Variants in ANK2 observed in about 807,000 individuals in gnomAD.
ANK2 encodes ankyrin-2.
Under a neutral mutation model 360.5 loss-of-function variants are expected in ANK2, and 83 were observed. The observed-to-expected ratio is 0.23, with a 90% CI of 0.19 to 0.28. The LOEUF (loss-of-function observed/expected upper bound fraction) is 0.28. ANK2 is among the 10% of genes least tolerant of loss of function. ANK2 has a pLI of 1.00. For synonymous variants in ANK2, 1,740 were observed against 1,759.5 expected (o/e 0.99, Z 0.28); for missense variants, 4,201 against 4,795.7 (o/e 0.88, Z 3.66).
chr4:113,011,554 G>A (rs145011569), intron 2 of ANK2, among the ~76,000 whole-genome samples: 99 of 152,200 alleles, frequency 6.5e-4, no homozygotes, highest in African/African-American at 2.4e-3. Context: ...GCTTGGCCTA[G>A]AGTCGTTAAT....
At chr4:113,152,940 T>C (rs892962320) in intron 1 of ANK2, among the ~76,000 whole-genome samples, 22 of 152,114 alleles carry the variant, frequency 1.4e-4, no homozygotes, top group Admixed American at 5.2e-4. Context: ...TTGACAGAAG[T>C]ATAATAATTT....
At chr4:113,009,726 T>C (rs763247965) in intron 2 of ANK2, among the ~76,000 whole-genome samples, 1 of 152,168 alleles carries the variant, frequency 6.6e-6, no homozygotes, top group African/African-American at 2.4e-5. Flanking sequence ...TTTCTCAACA[T>C]TTGACTGTAT....
intron 1 of ANK2, among the ~76,000 whole-genome samples, chr4:112,850,296 C>G (rs1223056292): frequency 7.5e-6 from 1 of 133,618 alleles, no homozygotes; most frequent in Non-Finnish European, 1.6e-5. Flanking sequence ...ATCTATCTAT[C>G]TATCTAATTT....
At chr4:113,049,608 C>G, upstream of ANK2, 2 of 1,505,976 alleles carry the variant, frequency 1.3e-6, no homozygotes, top group South Asian at 2.4e-5. Context: ...CCTCCCAGTG[C>G]GCGCCCCTTC....
chr4:113,189,685 C>T (rs1216151025), intron 2 of ANK2, among the ~76,000 whole-genome samples: 1 of 152,160 alleles, frequency 6.6e-6, no homozygotes, highest in Non-Finnish European at 1.5e-5. Flanking sequence ...TAGTTCTAGC[C>T]TCCCTTTTTG....
At chr4:113,284,731 G>C (rs996165747) in intron 18 of ANK2, among the ~76,000 whole-genome samples, 2 of 152,024 alleles carry the variant, frequency 1.3e-5, no homozygotes, top group Non-Finnish European at 2.9e-5. Context: ...TTTATCACTA[G>C]AGTAAAACTT....
intron 2 of ANK2, among the ~76,000 whole-genome samples, chr4:112,924,496 A>T (rs762629460): frequency 2.2e-4 from 34 of 152,316 alleles, no homozygotes; most frequent in Non-Finnish European, 4.6e-4. Flanking sequence ...AGCTTTTTAA[A>T]AGCTGACTTA....
chr4:112,781,471 A>G, the ANK2 span, among the ~76,000 whole-genome samples: 41 of 152,140 alleles, frequency 2.7e-4, no homozygotes, highest in Admixed American at 2.7e-3. Flanking sequence ...CGTGTTTTAT[A>G]TATTCTTTCA....
chr4:113,249,698 T>G (rs898954990), intron 9 of ANK2, 66 bp from the exon 10 acceptor site: 1 of 1,455,018 alleles, frequency 6.9e-7, no homozygotes, highest in Non-Finnish European at 9.6e-7. Flanking sequence ...TCTTTATGGT[T>G]GCAATAGATG....
chr4:113,292,525 C>A lies in ANK2; in HGVS notation c.2376+11C>A. On this transcript the variant is annotated intron_variant, in intron 21 of 45. Coordinates refer to ENST00000357077, the MANE Select transcript of ANK2 (RefSeq NM_001148.6). ...AACGCCACCACTGCGGTAAGGCAGACGCCACTGCCCCTCACCACGCTTTCT... is the reference window on the plus strand; with the variant it reads ...AACGCCACCACTGCGGTAAGGCAGAAGCCACTGCCCCTCACCACGCTTTCT... The A allele has an allele frequency of 6.3e-7, 1 of 1,593,300 alleles. No individual in the cohort carries two copies.
At chr4:112,968,031 T>C (rs1414935825) in intron 2 of ANK2, among the ~76,000 whole-genome samples, 1 of 152,198 alleles carries the variant, frequency 6.6e-6, no homozygotes, top group Admixed American at 6.5e-5. Flanking sequence ...TTTATGTTTT[T>C]TCCCCCAACC....
At chr4:113,206,451 T>C (rs2098949710) in intron 4 of ANK2, among the ~76,000 whole-genome samples, 3 of 152,214 alleles carry the variant, frequency 2.0e-5, no homozygotes, top group South Asian at 4.1e-4. Flanking sequence ...TAGTATCCCA[T>C]GGTGTATCTT....
chr4:112,944,610 T>C (rs1411344962), intron 2 of ANK2, among the ~76,000 whole-genome samples: 1 of 152,146 alleles, frequency 6.6e-6, no homozygotes, highest in Non-Finnish European at 1.5e-5. Flanking sequence ...GACCTCTAAA[T>C]GGGTGGATAT....
intron 26 of ANK2, among the ~76,000 whole-genome samples, chr4:113,318,872 A>G (rs769947286): frequency 5.9e-5 from 9 of 152,206 alleles, no homozygotes; most frequent in Non-Finnish European, 1.2e-4. Context: ...TGCGTCAAAC[A>G]GCTTGCTACC....
rs755390908 is a variant in ANK2, at chr4:112,919,284, A to G, written c.21+14770A>G. Reference sequence around the variant, plus strand: ...TTATTATTTTATAATTTGTAACTCCATTAGCGTTACTCAGCTTTTATCTCT... The same window carrying G: ...TTATTATTTTATAATTTGTAACTCCGTTAGCGTTACTCAGCTTTTATCTCT... On this transcript the variant is annotated intron_variant, in intron 2 of 30. Transcript: ENST00000503271. Among the ~76,000 whole-genome samples, 12 of 152,118 alleles carry G rather than the reference A, an allele frequency of 7.9e-5. 1 individual carries two copies. The highest frequency in any genetic ancestry group is 2.0e-4 in the Admixed American group (3 of 15,262).
At chr4:113,340,742 A>T (rs968425810) in intron 32 of ANK2, among the ~76,000 whole-genome samples, 1 of 151,366 alleles carries the variant, frequency 6.6e-6, no homozygotes, top group African/African-American at 2.4e-5. Flanking sequence ...AACAAACAAA[A>T]TCTAGGACTG....
chr4:112,850,504 CTTTTTTTTTTTT>C (rs60510554), intron 1 of ANK2, among the ~76,000 whole-genome samples: 12 of 5,820 alleles, frequency 2.1e-3, no homozygotes, highest in African/African-American at 2.8e-3. Context: ...CTGTGCTAGT[CTTTTTTTTTTTT>C]TTTTTTTTTT....
At chr4:112,924,837 C>CTTT (rs199974647) in intron 2 of ANK2, among the ~76,000 whole-genome samples, 10 of 131,972 alleles carry the variant, frequency 7.6e-5, no homozygotes, top group East Asian at 2.3e-4. Context: ...ATATTTATTA[C>CTTT]TTTTTTTTTT....
In ANK2 at chr4:113,336,024, G is replaced by A. The variant is rs1476222079; in HGVS notation, c.3558G>A (p.Gly1186=). 1.9e-6 allele frequency: 3 copies of A among 1,614,060 alleles called. No homozygotes were observed. Among genetic ancestry groups the A allele is most frequent in the African/African-American group, 1.3e-5 (1 of 75,018 alleles). The part of the protein sequence containing the change: ...VPQVQAVFPE[G]ALTKRIRVGL... The stretch of plus-strand genomic sequence containing the variant: ...AGGTGCAGGCCGTCTTCCCAGAGGG[G>A]GCACTCACCAAGCGGATCCGCGTAG... The change falls in exon 30 of 46, where the codon GGG becomes GGA. Residue 1186 remains glycine, a synonymous_variant. Coordinates refer to ENST00000357077, the MANE Select transcript of ANK2 (RefSeq NM_001148.6).
Sources: allele counts gnomAD v4.1 joint callset (sites outside exome capture counted in the v4.1 genomes callset), GRCh38; gene constraint gnomAD v4.1.1; transcripts MANE v1.5; gene names NCBI Gene and HGNC (gene_info 2026-07-23, HGNC 2026-07-21).